The following AHNAK variants were observed in gnomAD, a reference collection of about 807,000 sequenced individuals.
The protein encoded by AHNAK is AHNAK nucleoprotein, also known as neuroblast differentiation-associated protein AHNAK.
AHNAK carries 23 observed loss-of-function variants against 37.8 expected under a neutral mutation model. The ratio of observed to expected loss-of-function variants is 0.61; its 90% CI spans 0.44 to 0.86. The LOEUF (loss-of-function observed/expected upper bound fraction) is 0.86, where lower values mean the gene tolerates loss of function less well. Ranked by LOEUF, AHNAK falls within the 40% of genes least tolerant of loss-of-function variation. AHNAK has a pLI of 0.00. For missense variants in AHNAK, 7,411 were observed against 7,319.4 expected, an observed-to-expected ratio of 1.01 and a Z score of -0.46; for synonymous variants, 2,481 against 2,636.3, an observed-to-expected ratio of 0.94 and a Z score of 1.80.
intron 1 of AHNAK, among the ~76,000 whole-genome samples, chr11:62,543,005 T>C (rs943304662): frequency 6.6e-6 from 1 of 152,090 alleles, no homozygotes; most frequent in Non-Finnish European, 1.5e-5. Context: ...GCTGAAGAGC[T>C]ACCCCCGAGC....
At chr11:62,441,250 C>T (rs1938299568) in intron 5 of AHNAK, among the ~76,000 whole-genome samples, 2 of 151,968 alleles carry the variant, frequency 1.3e-5, no homozygotes, top group African/African-American at 4.8e-5. Flanking sequence ...GATCTGCCCA[C>T]CTTGGCCTCC....
intron 4 of AHNAK, among the ~76,000 whole-genome samples, chr11:62,507,088 C>T (rs144383627): frequency 6.6e-6 from 1 of 152,010 alleles, no homozygotes; most frequent in African/African-American, 2.4e-5. Flanking sequence ...TCCCTCCCCC[C>T]ACTCCTCTCC....
In AHNAK at chr11:62,481,682, A is replaced by G. The variant is rs900773205; in HGVS notation, c.442+10050T>C. 2.9e-4 allele frequency among the ~76,000 whole-genome samples: 13 copies of G among 45,230 alleles called. No individual in the cohort carries two copies. In the Admixed American group the frequency reaches 4.2e-3, roughly 15 times the overall value. The allele number at this position is 45,230 out of a possible 152,430, so 29.7% of individuals were successfully genotyped here. On this transcript the variant is annotated intron_variant, in intron 5 of 5. Coordinates refer to the AHNAK transcript ENST00000257247. ...AAGCTCCGCCTCCCGGGTTTATGCC[A>G]TTCTCCTGCCTCAGCCTCTTGAGTA...
At chr11:62,439,665 A>ATTTTTT (rs34334316) in intron 5 of AHNAK, among the ~76,000 whole-genome samples, 4 of 83,298 alleles carry the variant, frequency 4.8e-5, no homozygotes, top group Admixed American at 1.7e-4. Context: ...TTTTTGTGTG[A>ATTTTTT]TTTTTTTTTT....
chr11:62,476,295 A>T (rs1216559115), intron 5 of AHNAK, among the ~76,000 whole-genome samples: 1 of 152,210 alleles, frequency 6.6e-6, no homozygotes, highest in Non-Finnish European at 1.5e-5. Context: ...AGGCTGAGGC[A>T]GGAGAATCAC....
intron 4 of AHNAK, among the ~76,000 whole-genome samples, chr11:62,492,150 G>A (rs1939515211): frequency 6.6e-6 from 1 of 152,158 alleles, no homozygotes; most frequent in Non-Finnish European, 1.5e-5. Context: ...CTCCTCAAGG[G>A]CTTTGCAAGG....
chr11:62,470,261 C>A (rs535486309), intron 5 of AHNAK, among the ~76,000 whole-genome samples: 1 of 152,300 alleles, frequency 6.6e-6, no homozygotes, highest in African/African-American at 2.4e-5. Flanking sequence ...GCCTGACCAA[C>A]ATGGTGAAAC....
downstream of AHNAK, among the ~76,000 whole-genome samples, chr11:62,512,557 TAA>T (rs1939933271): frequency 6.6e-6 from 1 of 152,138 alleles, no homozygotes; most frequent in South Asian, 2.1e-4. The surrounding 1 kb of genome is among the most constrained non-coding windows in gnomAD (Gnocchi z 4.0). Flanking sequence ...CAAATGGAAC[TAA>T]GTTTGCGAGA....
chr11:62,460,853 G>A (rs761034943), intron 5 of AHNAK, among the ~76,000 whole-genome samples: 40 of 152,012 alleles, frequency 2.6e-4, no homozygotes, highest in Non-Finnish European at 4.4e-4. Context: ...TCAGAGTCTC[G>A]CTCTGTCACC....
chr11:62,448,165 G>C (rs1053185185), intron 5 of AHNAK, among the ~76,000 whole-genome samples: 2 of 152,156 alleles, frequency 1.3e-5, no homozygotes, highest in Non-Finnish European at 2.9e-5. Context: ...AGTGAGGCTA[G>C]AGGGACAAGA....
chr11:62,519,471 A>G lies in AHNAK; in HGVS notation c.14946T>C (p.Phe4982=). ...IPKFKKPKFG[F]GAKSPKADIK... ...TGTCAGCTTTGGGGCTTTTTGCCCC[A>G]AATCCAAACTTGGGTTTCTTAAATT... is the stretch of plus-strand genomic sequence containing the variant. The change falls in exon 5 of 5, where the codon TTT becomes TTC. Residue 4982 remains phenylalanine, a synonymous_variant. Transcript: ENST00000378024. 1 of 1,612,832 alleles carries G rather than the reference A, an allele frequency of 6.2e-7. No homozygotes were observed.
chr11:62,458,430 A>G (rs1304471602), intron 5 of AHNAK, among the ~76,000 whole-genome samples: 5 of 152,116 alleles, frequency 3.3e-5, no homozygotes, highest in Non-Finnish European at 7.4e-5. Flanking sequence ...CGGTTCTGAG[A>G]CGGGAGAGTC....
At position 62,538,980 on chromosome 11, in the gene AHNAK, T is replaced by G. The variant is rs150078880; in HGVS notation, c.-99-2413A>C. 2.1e-3 allele frequency among the ~76,000 whole-genome samples: 321 copies of G among 152,188 alleles called. 1 individual carries two copies. Among genetic ancestry groups the G allele is most frequent in the African/African-American group, 7.4e-3 (309 of 41,506 alleles). On this transcript the variant is annotated intron_variant, in intron 1 of 4. Coordinates refer to ENST00000378024, the MANE Select transcript of AHNAK (RefSeq NM_001620.3). Reference sequence around the variant, plus strand: ...CACAGACCCCAGCCCCCGACAGCCATCCTCCTGTTTGACAACGCGGTGTGG... The same window carrying G: ...CACAGACCCCAGCCCCCGACAGCCAGCCTCCTGTTTGACAACGCGGTGTGG...
At position 62,516,327 on chromosome 11, in the gene AHNAK, C is replaced by T; in HGVS notation, c.*417G>A. ...GACCTGACCTCCGTCTGCAACCCATCACCCCACCCACCCTTACTAACAAAA... is the reference window on the plus strand; with the variant it reads ...GACCTGACCTCCGTCTGCAACCCATTACCCCACCCACCCTTACTAACAAAA... On this transcript the variant is annotated 3_prime_UTR_variant, in exon 5 of 5. Coordinates refer to ENST00000378024, the MANE Select transcript of AHNAK (RefSeq NM_001620.3). 1 of 1,257,190 alleles carries T rather than the reference C, an allele frequency of 8.0e-7. No homozygotes were observed. Among genetic ancestry groups the T allele is most frequent in the Non-Finnish European group, 1.0e-6 (1 of 960,994 alleles). 77.9% of individuals were successfully genotyped at this position (1,257,190 alleles called of 1,614,324 possible).
In AHNAK at chr11:62,519,948, C is replaced by A; in HGVS notation, c.14469G>T (p.Val4823=). ...GPKVDVDIPD[V]NIEGPDAKLK... Reference sequence around the variant, plus strand: ...GTTTTGCGTCTGGACCTTCGATATTCACATCTGGAATATCAACGTCCACCT... The same window carrying A: ...GTTTTGCGTCTGGACCTTCGATATTAACATCTGGAATATCAACGTCCACCT... The change falls in exon 5 of 5, where the codon GTG becomes GTT. Residue 4823 remains valine, a synonymous_variant. Coordinates refer to ENST00000378024, the MANE Select transcript of AHNAK (RefSeq NM_001620.3). 1.2e-6 allele frequency: 2 copies of A among 1,612,948 alleles called. No homozygotes were observed. Among genetic ancestry groups the A allele is most frequent in the Non-Finnish European group, 1.7e-6 (2 of 1,179,712 alleles).
rs750054047 is a variant in AHNAK at position 62,519,176 on chromosome 11, T to C, written c.15241A>G (p.Lys5081Glu). The C allele has an allele frequency of 1.2e-6, 2 of 1,613,388 alleles. No individual in the cohort carries two copies. The highest frequency in any genetic ancestry group is 2.2e-5 in the South Asian group (2 of 90,882). ...LKVDVKSPKT[K>E]KTMFGKMYFP... ...TACATTTTTCCAAACATCGTTTTCT[T>C]GGTTTTGGGCGATTTCACGTCGACT... Residue 5081 changes from lysine (K) to glutamate (E), a missense_variant, in exon 5 of 5, where the codon AAG (lysine) becomes GAG (glutamate). Physicochemically the swap from Lys to Glu is moderately conservative, Grantham distance 56. Coordinates refer to ENST00000378024, the MANE Select transcript of AHNAK (RefSeq NM_001620.3).
In AHNAK at chr11:62,439,089, A is replaced by ATTTTTT. The variant is rs11374757; in HGVS notation, c.443-5204_443-5199dup. ...GACACCCATCCCTCTCAGTTTCCCTATTTTTTTTTTTTTTTTTTTTTTGAG... is the reference window on the plus strand; with the variant it reads ...GACACCCATCCCTCTCAGTTTCCCTATTTTTTTTTTTTTTTTTTTTTTTTTTTTGAG... On this transcript the variant is annotated intron_variant, in intron 5 of 5. Transcript: ENST00000257247. Among the ~76,000 whole-genome samples the ATTTTTT allele has an allele frequency of 3.4e-3, 314 of 92,868 alleles. 10 individuals carry two copies. Among genetic ancestry groups the ATTTTTT allele is most frequent in the Non-Finnish European group, 4.9e-3 (238 of 48,814 alleles). 60.9% of individuals were successfully genotyped at this position (92,868 alleles called of 152,430 possible).
intron 5 of AHNAK, among the ~76,000 whole-genome samples, chr11:62,474,492 A>C (rs1565206444): frequency 6.6e-6 from 1 of 152,116 alleles, no homozygotes; most frequent in South Asian, 2.1e-4. Flanking sequence ...TCAGAAACCT[A>C]CATCTTTAAC....
intron 5 of AHNAK, among the ~76,000 whole-genome samples, chr11:62,442,114 T>C (rs12803112): frequency 0.025 from 3,840 of 152,312 alleles, 70 homozygotes; most frequent in Non-Finnish European, 0.04. Context: ...TGTTCAAGAT[T>C]ATATCAAAGG....
Sources: gnomAD v4.1 joint callset for allele counts (sites outside exome capture counted in the v4.1 genomes callset) on GRCh38, gnomAD v4.1.1 for gene constraint, Gnocchi (gnomAD v3.1) non-coding constraint, MANE v1.5 for transcripts, NCBI Gene and HGNC (gene_info 2026-07-23, HGNC 2026-07-21) for gene names.